PPP1R3B: variants seen among roughly 807,000 people sequenced by gnomAD.
The protein encoded by PPP1R3B is PP1 subunit R4.
Under a neutral mutation model 14.6 loss-of-function variants are expected in PPP1R3B, and 8 were observed. The ratio of observed to expected loss-of-function variants is 0.55; its 90% CI spans 0.32 to 0.99. The LOEUF is 0.99. PPP1R3B is among the 50% of genes least tolerant of loss of function. The pLI is 0.04. For missense variants in PPP1R3B, 452 were observed against 360.1 expected (o/e 1.26, Z -2.07); for synonymous variants, 169 against 142.0 (o/e 1.19, Z -1.35).
At position 9,141,455 on chromosome 8, in the gene PPP1R3B, G is replaced by A; in HGVS notation, c.197C>T (p.Ala66Val). 6.2e-7 allele frequency: 1 copy of A among 1,614,156 alleles called. No individual in the cohort carries two copies. Among genetic ancestry groups the A allele is most frequent in the Non-Finnish European group, 8.5e-7 (1 of 1,180,032 alleles). ...TGTCAGGGCCAGCCCCTGGTTGTCTGCGAAGGACACCCGCTTTTTCACCTT... is the reference window on the plus strand; with the variant it reads ...TGTCAGGGCCAGCCCCTGGTTGTCTACGAAGGACACCCGCTTTTTCACCTT... ...EKKVKKRVSFADNQGLALTMV... is the reference protein window; with the variant it reads ...EKKVKKRVSFVDNQGLALTMV... Residue 66 changes from alanine to valine, a missense_variant, in exon 2 of 2, where the codon GCA becomes GTA. Ala to Val is a moderately conservative substitution (Grantham distance 64, BLOSUM62 0). Transcript: ENST00000310455.
intron 1 of PPP1R3B, among the ~76,000 whole-genome samples, chr8:9,146,507 AG>A (rs201102291): frequency 0.025 from 3,755 of 152,358 alleles, 131 homozygotes; most frequent in South Asian, 0.14. Flanking sequence ...TAAAGAAAAA[AG>A]GTGAACGGAC....
rs778415951 is a variant in PPP1R3B at position 9,140,992 on chromosome 8, C to T, written c.660G>A (p.Thr220=). Reference sequence around the variant, plus strand: ...TCTTGCCTCTGTTGCTGTCCCAGTACGTCTGTCCATTGCACTCGTAGTACA... The same window carrying T: ...TCTTGCCTCTGTTGCTGTCCCAGTATGTCTGTCCATTGCACTCGTAGTACA... The part of the protein sequence containing the change: ...FAVYYECNGQ[T]YWDSNRGKNY... The change falls in exon 2 of 2, where the codon ACG becomes ACA. Residue 220 remains threonine (T), a synonymous_variant. Coordinates refer to ENST00000310455, the MANE Select transcript of PPP1R3B (RefSeq NM_024607.4). 37 of 1,614,054 alleles carry T rather than the reference C, an allele frequency of 2.3e-5. No homozygotes were observed. The highest frequency in any genetic ancestry group is 3.3e-5 in the South Asian group (3 of 91,088).
intron 1 of PPP1R3B, among the ~76,000 whole-genome samples, chr8:9,143,129 G>T (rs959600897): frequency 6.6e-6 from 1 of 152,152 alleles, no homozygotes; most frequent in Non-Finnish European, 1.5e-5. Flanking sequence ...CCACCAGCAG[G>T]AGACAAGGGT....
chr8:9,140,941 T>C lies in PPP1R3B; in HGVS notation c.711A>G (p.Leu237=), dbSNP rs1163537922. The change falls in exon 2 of 2, where the codon TTA becomes TTG. Residue 237 remains leucine (L), a synonymous_variant. Transcript: ENST00000310455. Reference sequence around the variant, plus strand: ...GCTTGGTCATTCCCTGGGTAGATTTTAACTCAGCCCGGATGATCCTATAGT... The same window carrying C: ...GCTTGGTCATTCCCTGGGTAGATTTCAACTCAGCCCGGATGATCCTATAGT... ...GKNYRIIRAE[L]KSTQGMTKPH... The C allele has an allele frequency of 6.2e-7, 1 of 1,614,234 alleles. No homozygotes were observed. The highest frequency in any genetic ancestry group is 1.7e-5 in the Admixed American group (1 of 60,032).
intron 1 of PPP1R3B, among the ~76,000 whole-genome samples, chr8:9,148,043 C>G (rs768921016): frequency 9.9e-5 from 15 of 152,088 alleles, no homozygotes; most frequent in Non-Finnish European, 1.5e-4. Flanking sequence ...CAGATAGCTT[C>G]CAGATTTTAT....
At position 9,141,491 on chromosome 8, in the gene PPP1R3B, A is replaced by C; in HGVS notation, c.161T>G (p.Val54Gly). The change falls in exon 2 of 2, where the codon GTC (valine) becomes GGC (glycine). Residue 54 changes from valine to glycine, a missense_variant. Transcript: ENST00000310455. ...NEASGMVAPA[V>G]QEKKVKKRVS... ...CCGCTTTTTCACCTTCTTCTCCTGG[A>C]CAGCCGGGGCCACCATTCCACTGGC... The C allele has an allele frequency of 2.5e-6, 4 of 1,614,154 alleles. No homozygotes were observed. The highest frequency in any genetic ancestry group is 3.4e-6 in the Non-Finnish European group (4 of 1,180,028).
rs1801060861 is a variant in PPP1R3B, at chr8:9,140,996, T to C, written c.656A>G (p.Gln219Arg). Residue 219 changes from glutamine (Q) to arginine (R), a missense_variant, in exon 2 of 2, where the codon CAG becomes CGG. Coordinates refer to ENST00000310455, the MANE Select transcript of PPP1R3B (RefSeq NM_024607.4). ...GCCTCTGTTGCTGTCCCAGTACGTC[T>C]GTCCATTGCACTCGTAGTACACAGC... ...EFAVYYECNGQTYWDSNRGKN... is the reference protein window; with the variant it reads ...EFAVYYECNGRTYWDSNRGKN... 3.1e-6 allele frequency: 5 copies of C among 1,614,098 alleles called. No individual in the cohort carries two copies. Among genetic ancestry groups the C allele is most frequent in the African/African-American group, 2.7e-5 (2 of 74,946 alleles).
chr8:9,150,291 C>G (rs528346891), intron 1 of PPP1R3B, among the ~76,000 whole-genome samples: 1 of 152,296 alleles, frequency 6.6e-6, no homozygotes, highest in South Asian at 2.1e-4. Context: ...AGTCTTTCCT[C>G]TGTTTTCTCC....
intron 1 of PPP1R3B, among the ~76,000 whole-genome samples, chr8:9,149,901 G>C (rs1039900101): frequency 2.0e-5 from 3 of 152,226 alleles, no homozygotes; most frequent in Non-Finnish European, 4.4e-5. Context: ...AGGGAAAACA[G>C]AGTACTAGGC....
In PPP1R3B at chr8:9,141,201, C is replaced by A. The variant is rs1233748801; in HGVS notation, c.451G>T (p.Val151Phe). 2 of 1,614,086 alleles carry A rather than the reference C, an allele frequency of 1.2e-6. No homozygotes were observed. The highest frequency in any genetic ancestry group is 1.7e-6 in the Non-Finnish European group (2 of 1,180,050). The change falls in exon 2 of 2, where the codon GTT (valine) becomes TTT (phenylalanine). Residue 151 changes from valine (V) to phenylalanine (F), a missense_variant. Val to Phe is a conservative substitution (Grantham distance 50). Coordinates refer to ENST00000310455, the MANE Select transcript of PPP1R3B (RefSeq NM_024607.4). ...KDKAIAGTVK[V>F]QNLAFEKTVK... ...GTCTTCTCAAATGCGAGGTTCTGAA[C>A]CTTCACAGTGCCTGCAATGGCCTTG...
chr8:9,147,381 A>C (rs1021156917), intron 1 of PPP1R3B, among the ~76,000 whole-genome samples: 1 of 152,040 alleles, frequency 6.6e-6, no homozygotes, highest in African/African-American at 2.4e-5. Context: ...ATCCTGAAAA[A>C]TCTGGGTGTG....
At chr8:9,145,119 A>G (rs1229338544) in intron 1 of PPP1R3B, 1 of 150,870 alleles carries the variant, frequency 6.6e-6, no homozygotes, top group Non-Finnish European at 1.5e-5. Context: ...AAAAAAAAAT[A>G]TTATATATTT....
chr8:9,140,693 A>G lies in PPP1R3B; in HGVS notation c.*101T>C. On this transcript the variant is annotated 3_prime_UTR_variant, in exon 2 of 2. Coordinates refer to ENST00000310455, the MANE Select transcript of PPP1R3B (RefSeq NM_024607.4). ...TATTTTCCCAAACGGGGCCTCATGG[A>G]AGTTCCACGTTGCTCCTCCCTGGCC... 7.9e-7 allele frequency: 1 copy of G among 1,264,380 alleles called. No individual in the cohort carries two copies. Among genetic ancestry groups the G allele is most frequent in the Non-Finnish European group, 1.1e-6 (1 of 911,260 alleles). 78.3% of individuals were successfully genotyped at this position (1,264,380 alleles called of 1,614,324 possible).
intron 1 of PPP1R3B, among the ~76,000 whole-genome samples, chr8:9,147,294 C>T (rs1240156179): frequency 6.6e-6 from 1 of 152,170 alleles, no homozygotes; most frequent in East Asian, 1.9e-4. Flanking sequence ...AGCCACCGTG[C>T]CCAGCCTTGT....
chr8:9,148,001 T>A (rs1801291831), intron 1 of PPP1R3B, among the ~76,000 whole-genome samples: 1 of 152,154 alleles, frequency 6.6e-6, no homozygotes, highest in Non-Finnish European at 1.5e-5. Context: ...ATCTGGGGTA[T>A]GACTCGACTG....
At chr8:9,144,159 A>C (rs1354430153) in intron 1 of PPP1R3B, among the ~76,000 whole-genome samples, 1 of 152,010 alleles carries the variant, frequency 6.6e-6, no homozygotes, top group Non-Finnish European at 1.5e-5. Context: ...ATTAGGAAAA[A>C]AATTGAAAAG....
chr8:9,149,729 A>G (rs1176620856), intron 1 of PPP1R3B, among the ~76,000 whole-genome samples: 2 of 152,208 alleles, frequency 1.3e-5, no homozygotes, highest in Admixed American at 1.3e-4. Flanking sequence ...CTTTGTACTC[A>G]GACCATGGGG....
In PPP1R3B at chr8:9,139,388, C is replaced by T. The variant is rs1005773162; in HGVS notation, c.*1406G>A. ...CATACACACCATAAATAAGAACACC[C>T]AAGTCCATGTCCCTGGGTGCTGGTA... On this transcript the variant is annotated 3_prime_UTR_variant, in exon 2 of 2. Transcript: ENST00000310455. 1.3e-5 allele frequency: 2 copies of T among 152,164 alleles called. No homozygotes were observed. The highest frequency in any genetic ancestry group is 1.3e-4 in the Admixed American group (2 of 15,284). 9.4% of individuals were successfully genotyped at this position (152,164 alleles called of 1,614,324 possible).
At position 9,137,099 on chromosome 8, in the gene PPP1R3B, T is replaced by C. The variant is rs1052876575; in HGVS notation, c.*3695A>G. The C allele has an allele frequency of 3.3e-5, 5 of 152,206 alleles. No individual in the cohort carries two copies. The highest frequency in any genetic ancestry group is 6.5e-5 in the Admixed American group (1 of 15,280). The allele number at this position is 152,206 out of a possible 1,614,324, so 9.4% of individuals were successfully genotyped here. A position where few individuals can be genotyped will look rare whatever the true frequency, so the allele number is the denominator to read the frequency against. ...CTTAAAGGTAAATTAAATTCTCCCA[T>C]TGACTCTGACATTGTTTTAATTTCT... On this transcript the variant is annotated 3_prime_UTR_variant, in exon 2 of 2. Coordinates refer to ENST00000310455, the MANE Select transcript of PPP1R3B (RefSeq NM_024607.4).
Sources: allele counts gnomAD v4.1 joint callset (sites outside exome capture counted in the v4.1 genomes callset), GRCh38; gene constraint gnomAD v4.1.1; transcripts MANE v1.5; gene names NCBI Gene and HGNC (gene_info 2026-07-23, HGNC 2026-07-21).